Variants in PUM1 observed in about 807,000 individuals in gnomAD.
PUM1 encodes pumilio RNA binding family member 1.
PUM1 carries 13 observed loss-of-function variants against 131.8 expected under a neutral mutation model. The observed-to-expected ratio is 0.10, with a 90% CI of 0.06 to 0.16. The LOEUF (loss-of-function observed/expected upper bound fraction) is 0.16, where lower values mean the gene tolerates loss of function less well. Ranked by LOEUF, PUM1 falls within the 10% of genes least tolerant of loss-of-function variation. PUM1 has a pLI of 1.00. For missense variants in PUM1, 961 were observed against 1,512.4 expected (o/e 0.64, Z 6.05); for synonymous variants, 509 against 556.5 (o/e 0.91, Z 1.20).
At chr1:31,050,938 G>T in intron 2 of PUM1, 1 of 225,018 alleles carries the variant, frequency 4.4e-6, no homozygotes. Flanking sequence ...CTCTTGTTGC[G>T]TATGCTCAGA....
chr1:31,023,173 C>CAA (rs879342420), intron 3 of PUM1, among the ~76,000 whole-genome samples: 1 of 120,688 alleles, frequency 8.3e-6, no homozygotes, highest in Non-Finnish European at 1.8e-5. Flanking sequence ...AACTCCATCT[C>CAA]AAAAAAAAAA....
At chr1:30,959,651 TA>T (rs1190592477) in intron 14 of PUM1, among the ~76,000 whole-genome samples, 1 of 152,142 alleles carries the variant, frequency 6.6e-6, no homozygotes, top group Non-Finnish European at 1.5e-5. Context: ...CTCACACCTG[TA>T]ATCCCAACAC....
Position 30,932,027 on chromosome 1 carries a change from A to G in PUM1, c.*1184T>C, listed in dbSNP as rs1638989589. ...AACCAAGCTATTTTTTTCTTTTTAAACATTAACTAGGCTGTATAAAGAACA... is the reference window on the plus strand; with the variant it reads ...AACCAAGCTATTTTTTTCTTTTTAAGCATTAACTAGGCTGTATAAAGAACA... On this transcript the variant is annotated 3_prime_UTR_variant, in exon 22 of 22. Coordinates refer to ENST00000426105, the MANE Select transcript of PUM1 (RefSeq NM_001020658.2). The G allele has an allele frequency of 6.6e-6, 1 of 152,662 alleles. No homozygotes were observed. The highest frequency in any genetic ancestry group is 1.5e-5 in the Non-Finnish European group (1 of 68,042). 9.5% of individuals were successfully genotyped at this position (152,662 alleles called of 1,614,324 possible). A position where few individuals can be genotyped will look rare whatever the true frequency, so the allele number is the denominator to read the frequency against.
chr1:31,001,183 CA>C (rs988812321), intron 5 of PUM1, among the ~76,000 whole-genome samples: 2 of 147,446 alleles, frequency 1.4e-5, no homozygotes, highest in Non-Finnish European at 3.0e-5. Flanking sequence ...GACTCCGTCT[CA>C]AAAAAAAATA....
intron 2 of PUM1, among the ~76,000 whole-genome samples, chr1:31,052,063 A>AG (rs1237059635): frequency 1.3e-5 from 2 of 151,880 alleles, no homozygotes; most frequent in Non-Finnish European, 2.9e-5. Flanking sequence ...CCCAGGCTGG[A>AG]GGGCAGTGGT....
At chr1:31,010,851 T>C (rs1642585353) in intron 3 of PUM1, among the ~76,000 whole-genome samples, 1 of 152,204 alleles carries the variant, frequency 6.6e-6, no homozygotes, top group South Asian at 2.1e-4. Flanking sequence ...TCCTAACCTA[T>C]AGCAACTATG....
At position 30,932,500 on chromosome 1, in the gene PUM1, AAGAC is replaced by A. The variant is rs1639000955; in HGVS notation, c.*707_*710del. ...AACAATCACACCCGCCCAGCCTCAA[AAGAC>A]GTTCTGGGTGCTCGCATCTCCTCCT... On this transcript the variant is annotated 3_prime_UTR_variant, in exon 22 of 22. Transcript: ENST00000426105. 1.3e-5 allele frequency: 2 copies of A among 151,948 alleles called. No homozygotes were observed. Among genetic ancestry groups the A allele is most frequent in the African/African-American group, 4.8e-5 (2 of 41,394 alleles). The allele number at this position is 151,948 out of a possible 1,614,324, so 9.4% of individuals were successfully genotyped here.
At chr1:31,056,721 C>T (rs778521065) in intron 2 of PUM1, among the ~76,000 whole-genome samples, 10 of 140,780 alleles carry the variant, frequency 7.1e-5, no homozygotes, top group African/African-American at 2.4e-4. Context: ...CTGCCACCCA[C>T]GCTCAAGCAA....
At chr1:31,052,796 C>T (rs1275497005) in intron 2 of PUM1, among the ~76,000 whole-genome samples, 3 of 150,330 alleles carry the variant, frequency 2.0e-5, no homozygotes, top group Non-Finnish European at 4.4e-5. Context: ...CCCTGCTTCC[C>T]GGGTTAGAGC....
At chr1:30,969,016 G>C (rs994428812) in intron 10 of PUM1, among the ~76,000 whole-genome samples, 1 of 152,058 alleles carries the variant, frequency 6.6e-6, no homozygotes. Context: ...AAAAAAGAGT[G>C]TAACAGGCCA....
At chr1:31,009,006 T>C (rs1474075345) in intron 3 of PUM1, among the ~76,000 whole-genome samples, 1 of 134,096 alleles carries the variant, frequency 7.5e-6, no homozygotes, top group Non-Finnish European at 1.5e-5. Context: ...ACCCTGTCTT[T>C]ACTAAAAATA....
intron 2 of PUM1, among the ~76,000 whole-genome samples, chr1:31,047,962 C>A (rs917267231): frequency 6.7e-6 from 1 of 149,222 alleles, no homozygotes; most frequent in Admixed American, 6.7e-5. Flanking sequence ...TTTAAAAGGC[C>A]GGACACAGTG....
chr1:31,005,791 AAGAGAGAGAGAGAGAGAGAG>A lies in PUM1; in HGVS notation c.720+42_720+61del, dbSNP rs57530886. On this transcript the variant is annotated intron_variant, in intron 5 of 21. Transcript: ENST00000426105. ...GGCATGTTTTGCTTTAGGGGAAAAA[AAGAGAGAGAGAGAGAGAGAG>A]AGAGAGAGAGAGATAGGAACAAGTT... The A allele has an allele frequency of 6.1e-6, 8 of 1,314,074 alleles. No individual in the cohort carries two copies. In the Admixed American group the frequency reaches 8.0e-5, roughly 13 times the overall value. 81.4% of individuals were successfully genotyped at this position (1,314,074 alleles called of 1,614,324 possible). A position where few individuals can be genotyped will look rare whatever the true frequency, so the allele number is the denominator to read the frequency against.
In PUM1 at chr1:30,995,068, G is replaced by A. The variant is rs1305422694; in HGVS notation, c.873C>T (p.Asp291=). 5.6e-6 allele frequency: 9 copies of A among 1,613,752 alleles called. No homozygotes were observed. The highest frequency in any genetic ancestry group is 2.2e-5 in the East Asian group (1 of 44,870). The change falls in exon 6 of 22, where the codon GAC becomes GAT. Residue 291 remains aspartate, a synonymous_variant. Coordinates refer to ENST00000426105, the MANE Select transcript of PUM1 (RefSeq NM_001020658.2). ...AACATACAAACCTAAAATCTTTGAC[G>A]TCTGCATCAATCCCATTCTGCACTG... ...GLPVQNGIDA[D]VKDFSRTPGN...
rs1452612390 is a variant in PUM1, at chr1:30,934,056, C to T, written c.3436-714G>A. ...CCCCACTGTGCTCTCAAGGCACGCCCGCCACACCAGCCTCATCCCTCAGGC... is the reference window on the plus strand; with the variant it reads ...CCCCACTGTGCTCTCAAGGCACGCCTGCCACACCAGCCTCATCCCTCAGGC... On this transcript the variant is annotated intron_variant, in intron 21 of 21. Transcript: ENST00000426105. Among the ~76,000 whole-genome samples, 4 of 152,186 alleles carry T rather than the reference C, an allele frequency of 2.6e-5. No individual in the cohort carries two copies. In the East Asian group the frequency reaches 5.8e-4, roughly 22 times the overall value.
chr1:31,001,545 A>G (rs975216460), intron 5 of PUM1, among the ~76,000 whole-genome samples: 2 of 152,164 alleles, frequency 1.3e-5, no homozygotes, highest in Non-Finnish European at 2.9e-5. Flanking sequence ...TAGAACAAAC[A>G]AAGTTTGAAT....
chr1:30,997,972 TGC>T lies in PUM1; in HGVS notation c.721-2754_721-2753del, dbSNP rs1642044668. On this transcript the variant is annotated intron_variant, in intron 5 of 21. Coordinates refer to ENST00000426105, the MANE Select transcript of PUM1 (RefSeq NM_001020658.2). Reference sequence around the variant, plus strand: ...TTTCAAATATTTCCCTGCAATGTGTTGCATTTTACCAATATCGTACAGGCCAT... The same window carrying T: ...TTTCAAATATTTCCCTGCAATGTGTTATTTTACCAATATCGTACAGGCCAT... 2.6e-5 allele frequency among the ~76,000 whole-genome samples: 4 copies of T among 151,318 alleles called. No individual in the cohort carries two copies. In the South Asian group the frequency reaches 8.3e-4, roughly 32 times the overall value.
At chr1:30,962,451 T>G (rs1640454499) in intron 14 of PUM1, among the ~76,000 whole-genome samples, 1 of 152,178 alleles carries the variant, frequency 6.6e-6, no homozygotes. Flanking sequence ...CTTACTCTGT[T>G]GCTCAGGCTG....
chr1:31,058,254 C>T (rs1644290747), intron 2 of PUM1, among the ~76,000 whole-genome samples: 1 of 152,092 alleles, frequency 6.6e-6, no homozygotes, highest in Non-Finnish European at 1.5e-5. Flanking sequence ...ATCAAGTCAC[C>T]CACACCCAAG....
Sources: allele counts gnomAD v4.1 joint callset (sites outside exome capture counted in the v4.1 genomes callset), GRCh38; gene constraint gnomAD v4.1.1; transcripts MANE v1.5; gene names NCBI Gene and HGNC (gene_info 2026-07-23, HGNC 2026-07-21).